The following MROH7 variants were observed in gnomAD, a reference collection of about 807,000 sequenced individuals.
The protein encoded by MROH7 is maestro heat like repeat family member 7.
MROH7 carries 113 observed loss-of-function variants against 129.2 expected under a neutral mutation model. That is an observed-to-expected ratio of 0.87 (90% confidence interval 0.75 to 1.02). The LOEUF (loss-of-function observed/expected upper bound fraction) is 1.02. MROH7 is among the 50% of genes least tolerant of loss of function. The pLI is 0.00. For missense variants in MROH7, 1,601 were observed against 1,671.3 expected (o/e 0.96, Z 0.73); for synonymous variants, 655 against 667.9 (o/e 0.98, Z 0.30).
intron 4 of MROH7, among the ~76,000 whole-genome samples, chr1:54,667,599 G>A (rs1569897004): frequency 6.6e-6 from 1 of 152,044 alleles, no homozygotes. Context: ...GGGATTACAG[G>A]CACATGCCAC....
chr1:54,689,433 G>A (rs528704637), intron 15 of MROH7, among the ~76,000 whole-genome samples: 1 of 152,342 alleles, frequency 6.6e-6, no homozygotes, highest in South Asian at 2.1e-4. Context: ...CACCCAGGTT[G>A]TGGTGATTTG....
chr1:54,679,528 G>A, intron 12 of MROH7, 89 bp downstream of exon 12: 1 of 1,405,064 alleles, frequency 7.1e-7, no homozygotes, highest in Non-Finnish European at 9.8e-7. Context: ...GCCAGACAGT[G>A]GGCAGGGTGG....
intron 3 of MROH7, among the ~76,000 whole-genome samples, chr1:54,656,202 TC>T (rs1232269375): frequency 1.3e-5 from 2 of 151,676 alleles, no homozygotes; most frequent in Non-Finnish European, 2.9e-5. Context: ...CCCAATGTAT[TC>T]TTTTTTAATT....
chr1:54,685,352 A>G (rs1227422404), intron 14 of MROH7, among the ~76,000 whole-genome samples: 2 of 152,128 alleles, frequency 1.3e-5, no homozygotes, highest in African/African-American at 4.8e-5. Flanking sequence ...AGCTCAAACC[A>G]TTTATGTATA....
Position 54,696,659 on chromosome 1 carries a change from C to CTTT in MROH7, c.2964+1197_2964+1199dup, listed in dbSNP as rs1157748080. ...TGTTGCATGCATCACAATTTCCTTA[C>CTTT]TTTTTTTTTTTTTTTTTTTTTTTTT... On this transcript the variant is annotated intron_variant, in intron 17 of 23. Transcript: ENST00000421030. Among the ~76,000 whole-genome samples, 52 of 66,892 alleles carry CTTT rather than the reference C, an allele frequency of 7.8e-4. 7 individuals carry two copies. The highest frequency in any genetic ancestry group is 1.3e-3 in the South Asian group (3 of 2,386). The allele number at this position is 66,892 out of a possible 152,430, so 43.9% of individuals were successfully genotyped here. A position where few individuals can be genotyped will look rare whatever the true frequency, so the allele number is the denominator to read the frequency against.
At chr1:54,659,732 C>T (rs1268078759) in intron 3 of MROH7, among the ~76,000 whole-genome samples, 3 of 152,306 alleles carry the variant, frequency 2.0e-5, no homozygotes, top group African/African-American at 2.4e-5. Context: ...GGATTACAAG[C>T]GTGAGCCACT....
chr1:54,671,709 C>T (rs1004793065), intron 7 of MROH7, among the ~76,000 whole-genome samples: 3 of 152,210 alleles, frequency 2.0e-5, no homozygotes, highest in East Asian at 1.9e-4. Flanking sequence ...AGGGTTTTAG[C>T]GCAGGGTGCA....
intron 14 of MROH7, among the ~76,000 whole-genome samples, chr1:54,685,012 T>TC (rs1349078918): frequency 2.6e-5 from 4 of 151,956 alleles, no homozygotes; most frequent in South Asian, 2.1e-4. Context: ...TCTTTTTTTT[T>TC]CTCTCCTTTT....
intron 2 of MROH7, 41 bp from the exon 3 acceptor site, chr1:54,652,812 C>A: frequency 7.2e-7 from 1 of 1,387,282 alleles, no homozygotes; most frequent in Non-Finnish European, 9.8e-7. Context: ...AAAGCCTTAA[C>A]AGGTGTGGCA....
chr1:54,697,626 C>T (rs760752594), intron 17 of MROH7: 1 of 700,956 alleles, frequency 1.4e-6, no homozygotes, highest in South Asian at 1.5e-5. Flanking sequence ...TGACCTCTTT[C>T]AAATGTTATT....
At chr1:54,679,758 C>T in intron 12 of MROH7, 133 bp from the exon 13 acceptor site, 1 of 870,980 alleles carries the variant, frequency 1.1e-6, no homozygotes, top group East Asian at 2.5e-5. Flanking sequence ...CTTGCCTCTT[C>T]CTCTCTCTCT....
chr1:54,655,515 T>G (rs1393506162), intron 3 of MROH7, among the ~76,000 whole-genome samples: 2 of 149,758 alleles, frequency 1.3e-5, no homozygotes, highest in African/African-American at 2.5e-5. Flanking sequence ...GGACTACAGG[T>G]GCACACCACA....
chr1:54,688,408 T>G (rs938742430), intron 15 of MROH7, among the ~76,000 whole-genome samples: 4 of 152,026 alleles, frequency 2.6e-5, no homozygotes, highest in African/African-American at 9.7e-5. Context: ...TTATCAGTTT[T>G]TTCTTCTGTG....
intron 14 of MROH7, 119 bp from the exon 15 acceptor site, chr1:54,686,138 GC>G (rs1301738220): frequency 1.2e-6 from 1 of 842,820 alleles, no homozygotes; most frequent in Non-Finnish European, 1.8e-6. Flanking sequence ...GCTTCCCCAG[GC>G]TGGGCCAGAG....
chr1:54,683,100 G>A (rs1371352747), intron 14 of MROH7, among the ~76,000 whole-genome samples: 3 of 150,432 alleles, frequency 2.0e-5, no homozygotes, highest in African/African-American at 7.5e-5. Context: ...CACTTTGGGA[G>A]GCGGAGGCAG....
Position 54,709,991 on chromosome 1 carries a change from A to G in MROH7, c.3776A>G (p.Tyr1259Cys), listed in dbSNP as rs149350120. ...RHDPEASVCI[Y>C]AAQVQDHILA... ...GACCCAGAAGCATCAGTGTGCATCT[A>G]CGCAGCCCAGGTCCAGGACCACATC... The change falls in exon 24 of 24, where the codon TAC (tyrosine) becomes TGC (cysteine). Residue 1259 changes from tyrosine (Y) to cysteine (C), a missense_variant. Tyr to Cys is a radical substitution (Grantham distance 194). Transcript: ENST00000421030. The G allele has an allele frequency of 6.4e-4, 1,041 of 1,614,138 alleles. 12 individuals are homozygous for G. The African/African-American group carries it at 0.012, about 18-fold the overall frequency.
chr1:54,671,529 T>C (rs947565319), intron 7 of MROH7, among the ~76,000 whole-genome samples: 2 of 152,156 alleles, frequency 1.3e-5, no homozygotes, highest in Non-Finnish European at 2.9e-5. Flanking sequence ...AGGCTTAGGC[T>C]GTAATGAAGA....
intron 15 of MROH7, among the ~76,000 whole-genome samples, chr1:54,687,659 T>G (rs1419762466): frequency 2.0e-5 from 3 of 151,990 alleles, no homozygotes; most frequent in Non-Finnish European, 2.9e-5. Flanking sequence ...TAAAATGGAG[T>G]GACTCCTAAA....
At position 54,702,122 on chromosome 1, in the gene MROH7, C is replaced by T. The variant is rs1645447927; in HGVS notation, c.3318C>T (p.Asn1106=). ...AGGTCGTGCGCTCCTCCTGCATCAACCTGTATGGGAAGGTGGTCCAGAAGC... is the reference window on the plus strand; with the variant it reads ...AGGTCGTGCGCTCCTCCTGCATCAATCTGTATGGGAAGGTGGTCCAGAAGC... The part of the protein sequence containing the change: ...AREVVRSSCI[N]LYGKVVQKLR... Residue 1106 remains asparagine, a synonymous_variant, in exon 20 of 24, where the codon AAC becomes AAT. Coordinates refer to ENST00000421030, the MANE Select transcript of MROH7 (RefSeq NM_001039464.4). The T allele has an allele frequency of 6.2e-7, 1 of 1,611,114 alleles. No individual in the cohort carries two copies. Among genetic ancestry groups the T allele is most frequent in the South Asian group, 1.1e-5 (1 of 90,672 alleles).
Sources: gnomAD v4.1 joint callset for allele counts (sites outside exome capture counted in the v4.1 genomes callset) on GRCh38, gnomAD v4.1.1 for gene constraint, MANE v1.5 for transcripts, NCBI Gene and HGNC (gene_info 2026-07-23, HGNC 2026-07-21) for gene names.